JADE1: variants seen among roughly 807,000 people sequenced by gnomAD.
JADE1 encodes the protein jade family PHD finger 1.
JADE1 carries 14 observed loss-of-function variants against 81.8 expected under a neutral mutation model. That is an observed-to-expected ratio of 0.17 (90% CI 0.11 to 0.27). JADE1 has a LOEUF of 0.27. JADE1 is among the 10% of genes least tolerant of loss of function. The pLI is 1.00. For synonymous variants in JADE1, 353 were observed against 391.9 expected, an observed-to-expected ratio of 0.90 and a Z score of 1.17; for missense variants, 690 against 1,047.9, an observed-to-expected ratio of 0.66 and a Z score of 4.71.
rs1204904352 is a variant in JADE1, at chr4:128,809,881, C to G, written c.-27+4C>G. On this transcript the variant is annotated splice_donor_region_variant and intron_variant, in intron 1 of 10. Transcript: ENST00000226319. The stretch of plus-strand genomic sequence containing the variant: ...CGGCCGAACCCCTCCGCAGCAGGTA[C>G]GCGCGCGGGCCGCGGGGGGCGCGCG... 6.7e-6 allele frequency: 1 copy of G among 148,692 alleles called. No individual in the cohort carries two copies. The highest frequency in any genetic ancestry group is 1.5e-5 in the Non-Finnish European group (1 of 66,476). 9.2% of individuals were successfully genotyped at this position (148,692 alleles called of 1,614,324 possible).
intron 1 of JADE1, among the ~76,000 whole-genome samples, chr4:128,822,860 A>G (rs1461511689): frequency 1.3e-5 from 2 of 152,376 alleles, no homozygotes; most frequent in East Asian, 3.9e-4. Context: ...GAAATGTTCT[A>G]TGAATATACA....
At chr4:128,832,483 G>C (rs997512722) in intron 2 of JADE1, among the ~76,000 whole-genome samples, 1 of 152,232 alleles carries the variant, frequency 6.6e-6, no homozygotes, top group Non-Finnish European at 1.5e-5. Context: ...CACAGTGCCT[G>C]AGCTCTAGCC....
At chr4:128,867,764 G>A in intron 9 of JADE1, 92 bp from the exon 10 acceptor site, 1 of 687,182 alleles carries the variant, frequency 1.5e-6, no homozygotes, top group Non-Finnish European at 2.5e-6. Flanking sequence ...GCCCTAGTAG[G>A]AGTAATTTCT....
intron 2 of JADE1, among the ~76,000 whole-genome samples, chr4:128,834,292 C>T (rs974647533): frequency 6.6e-5 from 10 of 152,130 alleles, no homozygotes; most frequent in Non-Finnish European, 1.3e-4. Context: ...TGCAGATGGA[C>T]TTCTTCTCAC....
intron 1 of JADE1, among the ~76,000 whole-genome samples, chr4:128,814,839 A>C (rs1174747664): frequency 6.6e-6 from 1 of 151,926 alleles, no homozygotes; most frequent in Non-Finnish European, 1.5e-5. Context: ...CTGGGATTAC[A>C]GGCGTGAGCC....
chr4:128,861,768 T>C lies in JADE1; in HGVS notation c.1046T>C (p.Met349Thr). Residue 349 changes from methionine (M) to threonine (T), a missense_variant, in exon 9 of 11, where the codon ATG becomes ACG. Physicochemically the swap from Met to Thr is moderately conservative, Grantham distance 81. Coordinates refer to ENST00000226319, the MANE Select transcript of JADE1 (RefSeq NM_199320.4). ...TGTGCTTTTGACCGGGGCCTGGAGA[T>C]GAAGACCATCTTAGCAGAGAATGAT... ...VTCAFDRGLE[M>T]KTILAENDEV... 2 of 1,614,200 alleles carry C rather than the reference T, an allele frequency of 1.2e-6. No homozygotes were observed. Among genetic ancestry groups the C allele is most frequent in the Non-Finnish European group, 1.7e-6 (2 of 1,180,024 alleles).
In JADE1 at chr4:128,856,348, G is replaced by A. The variant is rs182852322; in HGVS notation, c.864+551G>A. On this transcript the variant is annotated intron_variant, in intron 7 of 10. Coordinates refer to ENST00000226319, the MANE Select transcript of JADE1 (RefSeq NM_199320.4). Reference sequence around the variant, plus strand: ...TTAGCTGGAAGCAGCAGTCACTTGGGACTGGAAGTTAGTGGTGGTCACCCA... The same window carrying A: ...TTAGCTGGAAGCAGCAGTCACTTGGAACTGGAAGTTAGTGGTGGTCACCCA... Among the ~76,000 whole-genome samples the A allele has an allele frequency of 1.1e-4, 16 of 152,288 alleles. No individual in the cohort carries two copies. In the East Asian group the frequency reaches 3.1e-3, roughly 29 times the overall value.
intron 9 of JADE1, chr4:128,862,566 A>G (rs1052919736): frequency 5.3e-6 from 6 of 1,128,012 alleles, no homozygotes; most frequent in African/African-American, 1.6e-5. Context: ...AAAATGACCC[A>G]AGGAGTTGAC....
Position 128,821,497 on chromosome 4 carries a change from T to C in JADE1, c.-26-10236T>C, listed in dbSNP as rs528559821. Among the ~76,000 whole-genome samples the C allele has an allele frequency of 4.0e-3, 597 of 150,160 alleles. 4 individuals are homozygous for C. Among genetic ancestry groups the C allele is most frequent in the African/African-American group, 0.013 (546 of 41,168 alleles). ...AAGGAGTTGAAATGGCTTCTTCTTT[T>C]TTTTTTTTTTTTTTGAGAGGGAATC... On this transcript the variant is annotated intron_variant, in intron 1 of 10. Coordinates refer to ENST00000226319, the MANE Select transcript of JADE1 (RefSeq NM_199320.4).
At chr4:128,849,229 G>T in intron 5 of JADE1, 62 bp downstream of exon 5, 1 of 1,426,376 alleles carries the variant, frequency 7.0e-7, no homozygotes, top group Non-Finnish European at 9.5e-7. Flanking sequence ...TTTTAGGCAG[G>T]TAGGTGAGTA....
In JADE1 at chr4:128,874,258, C is replaced by CTGGG. The variant is rs1339212915; in HGVS notation, c.*1999_*2002dup. 6 of 152,590 alleles carry CTGGG rather than the reference C, an allele frequency of 3.9e-5. No homozygotes were observed. In the East Asian group the frequency reaches 1.2e-3, roughly 29 times the overall value. The allele number at this position is 152,590 out of a possible 1,614,324, so 9.5% of individuals were successfully genotyped here. On this transcript the variant is annotated 3_prime_UTR_variant, in exon 11 of 11. Coordinates refer to ENST00000226319, the MANE Select transcript of JADE1 (RefSeq NM_199320.4). Reference sequence around the variant, plus strand: ...TTATCTTTTGATTACAGCAACAGCTCTGGGTGAGAGTAGAATTTATAGAGG... The same window carrying CTGGG: ...TTATCTTTTGATTACAGCAACAGCTCTGGGTGGGTGAGAGTAGAATTTATAGAGG...
At chr4:128,819,291 G>A (rs1190585885) in intron 1 of JADE1, among the ~76,000 whole-genome samples, 1 of 151,510 alleles carries the variant, frequency 6.6e-6, no homozygotes, top group African/African-American at 2.4e-5. Flanking sequence ...TTTTTTTGGG[G>A]GGCAGGCTCT....
At chr4:128,819,619 G>A (rs1468134195) in intron 1 of JADE1, among the ~76,000 whole-genome samples, 1 of 152,186 alleles carries the variant, frequency 6.6e-6, no homozygotes, top group Non-Finnish European at 1.5e-5. Flanking sequence ...TACTCCTGTG[G>A]TAGTGTTTAA....
chr4:128,842,723 G>GAT (rs1403734364), intron 2 of JADE1, among the ~76,000 whole-genome samples: 1 of 152,220 alleles, frequency 6.6e-6, no homozygotes, highest in Non-Finnish European at 1.5e-5. Flanking sequence ...TGTGGTCCTT[G>GAT]ATACAGCATC....
intron 9 of JADE1, chr4:128,863,556 G>A: frequency 2.0e-6 from 2 of 985,426 alleles, no homozygotes; most frequent in Non-Finnish European, 2.4e-6. Flanking sequence ...CAGCTTATTT[G>A]TGATGCCCCT....
At chr4:128,824,081 A>G (rs988627805) in intron 1 of JADE1, among the ~76,000 whole-genome samples, 5 of 152,208 alleles carry the variant, frequency 3.3e-5, no homozygotes, top group Non-Finnish European at 4.4e-5. Flanking sequence ...TCAAATTATC[A>G]GGTACCTAGT....
Position 128,855,728 on chromosome 4 carries a change from T to G in JADE1, c.795T>G (p.Gly265=). ...AATGTCTGCTGTGTCCGAAGAAGGG[T>G]GGAGCTATGAAGCCCACCCGTAGCG... The part of the protein sequence containing the change: ...QPKCLLCPKK[G]GAMKPTRSGT... The change falls in exon 7 of 11, where the codon GGT becomes GGG. Residue 265 remains glycine, a synonymous_variant. Transcript: ENST00000226319. The G allele has an allele frequency of 6.2e-7, 1 of 1,613,780 alleles. No homozygotes were observed. The highest frequency in any genetic ancestry group is 1.1e-5 in the South Asian group (1 of 91,072).
intron 2 of JADE1, among the ~76,000 whole-genome samples, chr4:128,839,063 T>C (rs1257543166): frequency 6.6e-6 from 1 of 152,188 alleles, no homozygotes; most frequent in Non-Finnish European, 1.5e-5. Flanking sequence ...TACAGCATGA[T>C]TGACTGTCCT....
At chr4:128,864,847 G>T (rs933237236) in intron 9 of JADE1, 2 of 154,770 alleles carry the variant, frequency 1.3e-5, no homozygotes, top group African/African-American at 4.8e-5. Context: ...TGCATACCTG[G>T]GTACCAGTTC....
Sources: gnomAD v4.1 joint callset for allele counts (sites outside exome capture counted in the v4.1 genomes callset) on GRCh38, gnomAD v4.1.1 for gene constraint, MANE v1.5 for transcripts, NCBI Gene and HGNC (gene_info 2026-07-23, HGNC 2026-07-21) for gene names.